Variants in IGSF11 observed in about 807,000 individuals in gnomAD.
IGSF11 encodes CXADR like 1.
In IGSF11, 22 loss-of-function variants were observed where a neutral mutation model predicts 41.0. The ratio of observed to expected loss-of-function variants is 0.54; its 90% CI spans 0.38 to 0.77. IGSF11 has a LOEUF of 0.77. Among genes scored for constraint, IGSF11 ranks in the 30% least tolerant of loss-of-function variants. The pLI, the probability that IGSF11 is intolerant of heterozygous loss-of-function variation, is 0.00. For synonymous variants in IGSF11, 219 were observed against 201.3 expected, an observed-to-expected ratio of 1.09 and a Z score of -0.74; for missense variants, 444 against 530.8, an observed-to-expected ratio of 0.84 and a Z score of 1.61.
intron 1 of IGSF11, among the ~76,000 whole-genome samples, chr3:118,994,405 C>T (rs1936074303): frequency 6.6e-6 from 1 of 152,166 alleles, no homozygotes; most frequent in African/African-American, 2.4e-5. Flanking sequence ...GCCTGTAACC[C>T]TAGCACTTTG....
At chr3:119,007,994 C>T (rs557144098) in intron 1 of IGSF11, among the ~76,000 whole-genome samples, 3 of 152,248 alleles carry the variant, frequency 2.0e-5, no homozygotes, top group African/African-American at 7.2e-5. Context: ...TAATCATCGA[C>T]TCAAAAGTGA....
chr3:118,933,189 T>C (rs1265137965), intron 1 of IGSF11, among the ~76,000 whole-genome samples: 1 of 152,230 alleles, frequency 6.6e-6, no homozygotes, highest in African/African-American at 2.4e-5. Flanking sequence ...TTTCAGAACT[T>C]GCAAAGGTGT....
At chr3:119,093,385 C>T (rs563092096) in intron 1 of IGSF11, among the ~76,000 whole-genome samples, 1 of 150,012 alleles carries the variant, frequency 6.7e-6, no homozygotes, top group Admixed American at 6.6e-5. Context: ...GCCATTTACA[C>T]ACATGGGCTT....
intron 1 of IGSF11, among the ~76,000 whole-genome samples, chr3:119,052,528 A>G (rs1313189643): frequency 6.6e-6 from 1 of 152,114 alleles, no homozygotes; most frequent in Admixed American, 6.5e-5. Flanking sequence ...AAAAAAGTCC[A>G]GGACCAGATG....
chr3:118,941,120 A>C (rs1441152049), intron 1 of IGSF11, among the ~76,000 whole-genome samples: 1 of 152,056 alleles, frequency 6.6e-6, no homozygotes, highest in African/African-American at 2.4e-5. Flanking sequence ...ACCTCATCAA[A>C]ATTATTGTTT....
At chr3:118,999,457 TAG>T (rs1410900794) in intron 1 of IGSF11, among the ~76,000 whole-genome samples, 1 of 152,276 alleles carries the variant, frequency 6.6e-6, no homozygotes, top group African/African-American at 2.4e-5. Flanking sequence ...TATAAAATTC[TAG>T]AGTTAATTTC....
intron 1 of IGSF11, among the ~76,000 whole-genome samples, chr3:119,048,613 T>C (rs1288134645): frequency 6.6e-6 from 1 of 151,774 alleles, no homozygotes; most frequent in African/African-American, 2.4e-5. Context: ...TTCCAATCAA[T>C]AGAAAAAGAA....
At chr3:119,000,127 G>C (rs1221594101) in intron 1 of IGSF11, among the ~76,000 whole-genome samples, 1 of 123,494 alleles carries the variant, frequency 8.1e-6, no homozygotes, top group African/African-American at 3.4e-5. Context: ...ATGAAGAAAT[G>C]CCTGGTTGTC....
rs1248334349 is a variant in IGSF11 at position 118,955,247 on chromosome 3, CACACACAT to C, written c.53-24980_53-24973del. On this transcript the variant is annotated intron_variant, in intron 1 of 6. Transcript: ENST00000393775. Reference sequence around the variant, plus strand: ...ACACACACACACACACACACACACACACACACATACACACACACACCATGGAATACTAC... The same window carrying C: ...ACACACACACACACACACACACACACACACACACACACCATGGAATACTAC... Among the ~76,000 whole-genome samples, 4 of 148,552 alleles carry C rather than the reference CACACACAT, an allele frequency of 2.7e-5. No individual in the cohort carries two copies. In the South Asian group the frequency reaches 8.8e-4, roughly 33 times the overall value.
chr3:119,144,057 A>G (rs2077686110), intron 1 of IGSF11, among the ~76,000 whole-genome samples: 1 of 152,062 alleles, frequency 6.6e-6, no homozygotes. Flanking sequence ...TTAATACCCC[A>G]CTTTTTTTGT....
At chr3:119,097,474 G>A (rs1038090500) in intron 1 of IGSF11, among the ~76,000 whole-genome samples, 1 of 149,686 alleles carries the variant, frequency 6.7e-6, no homozygotes, top group African/African-American at 2.6e-5. Flanking sequence ...TACTCCTCCA[G>A]GGAATCTACC....
At chr3:119,026,907 T>C (rs1261211268) in intron 1 of IGSF11, among the ~76,000 whole-genome samples, 1 of 152,174 alleles carries the variant, frequency 6.6e-6, no homozygotes, top group Non-Finnish European at 1.5e-5. Flanking sequence ...AATGAGATCA[T>C]CACTTCAAGT....
At chr3:119,092,304 A>G (rs750587668) in intron 1 of IGSF11, among the ~76,000 whole-genome samples, 2 of 152,186 alleles carry the variant, frequency 1.3e-5, no homozygotes, top group African/African-American at 4.8e-5. Flanking sequence ...TAATAAATTT[A>G]GTGTAGCCTA....
chr3:119,077,867 C>T (rs2076526415), intron 1 of IGSF11, among the ~76,000 whole-genome samples: 1 of 152,114 alleles, frequency 6.6e-6, no homozygotes, highest in Non-Finnish European at 1.5e-5. Flanking sequence ...AAATCAGTAG[C>T]ATTTCTATAC....
chr3:119,013,297 A>C (rs1938342348), intron 1 of IGSF11: 1 of 152,232 alleles, frequency 6.6e-6, no homozygotes, highest in African/African-American at 2.4e-5. Flanking sequence ...TTCCTCTTGG[A>C]ACTTTGGAAT....
intron 1 of IGSF11, among the ~76,000 whole-genome samples, chr3:119,047,946 C>T (rs1255754793): frequency 2.6e-5 from 4 of 152,018 alleles, no homozygotes; most frequent in Admixed American, 2.0e-4. Flanking sequence ...TCTTTGAAAC[C>T]AACGAGAACA....
At chr3:118,933,652 C>T (rs1031651856) in intron 1 of IGSF11, among the ~76,000 whole-genome samples, 1 of 152,100 alleles carries the variant, frequency 6.6e-6, no homozygotes, top group African/African-American at 2.4e-5. Context: ...GCTTCAAACC[C>T]AGGCGGTTAG....
chr3:119,105,424 TA>T (rs1650045457), upstream of IGSF11, among the ~76,000 whole-genome samples: 1 of 152,100 alleles, frequency 6.6e-6, no homozygotes, highest in African/African-American at 2.4e-5. Context: ...TACCCCAAAC[TA>T]GATCTGTATG....
intron 1 of IGSF11, among the ~76,000 whole-genome samples, chr3:119,019,813 C>A (rs951150092): frequency 1.3e-5 from 2 of 152,108 alleles, no homozygotes; most frequent in Non-Finnish European, 2.9e-5. Context: ...TGTACTGTGA[C>A]CCTGGCCATT....
Sources: gnomAD v4.1 joint callset for allele counts (sites outside exome capture counted in the v4.1 genomes callset) on GRCh38, gnomAD v4.1.1 for gene constraint, MANE v1.5 for transcripts, NCBI Gene and HGNC (gene_info 2026-07-23, HGNC 2026-07-21) for gene names.